Variants in EEIG2 observed in about 807,000 individuals in gnomAD.
EEIG2 encodes EEIG family member 2, also known as family with sequence similarity 102 member B.
the EEIG2 span, among the ~76,000 whole-genome samples, chr1:108,575,411 G>A: frequency 6.6e-6 from 1 of 152,104 alleles, no homozygotes; most frequent in South Asian, 2.1e-4. Context: ...ACAGAAAAGG[G>A]AAACAGTTAC....
At chr1:108,629,704 T>TA in the EEIG2 span, 15,624 of 1,445,950 alleles carry the variant, frequency 0.011, 111 homozygotes, top group Non-Finnish European at 0.013. Context: ...CTAATTTTTT[T>TA]AAAAAAATCA....
At chr1:108,607,471 G>A in the EEIG2 span, among the ~76,000 whole-genome samples, 2 of 152,166 alleles carry the variant, frequency 1.3e-5, no homozygotes, top group Admixed American at 1.3e-4. Flanking sequence ...CAATGAGCTA[G>A]GGTTTGGGTT....
the EEIG2 span, chr1:108,636,752 G>C: frequency 1.3e-5 from 2 of 151,582 alleles, no homozygotes; most frequent in South Asian, 2.1e-4. Context: ...GAACATTTTA[G>C]CCTAACCAAG....
chr1:108,628,066 A>G, the EEIG2 span: 2 of 955,554 alleles, frequency 2.1e-6, no homozygotes, highest in Non-Finnish European at 3.3e-6. Flanking sequence ...TATTGTTTTG[A>G]TAATGAACTT....
the EEIG2 span, chr1:108,638,222 G>C: frequency 1.3e-5 from 2 of 152,102 alleles, no homozygotes; most frequent in Non-Finnish European, 2.9e-5. Context: ...AGGACCACAG[G>C]CATGAGCCAC....
At chr1:108,603,854 C>G in the EEIG2 span, among the ~76,000 whole-genome samples, 1 of 152,088 alleles carries the variant, frequency 6.6e-6, no homozygotes, top group Non-Finnish European at 1.5e-5. Context: ...AATAAAACTT[C>G]AACAGATGGA....
the EEIG2 span, among the ~76,000 whole-genome samples, chr1:108,608,223 T>C: frequency 3.9e-5 from 6 of 152,212 alleles, no homozygotes; most frequent in Non-Finnish European, 8.8e-5. Flanking sequence ...CCTCCTCTTG[T>C]CCTGTCAACT....
chr1:108,616,463 A>G, the EEIG2 span: 1 of 1,334,082 alleles, frequency 7.5e-7, no homozygotes, highest in Non-Finnish European at 1.1e-6. Flanking sequence ...TTATGTATCT[A>G]AAAGTATAAG....
the EEIG2 span, chr1:108,560,283 C>G: frequency 2.4e-6 from 1 of 424,056 alleles, no homozygotes; most frequent in Non-Finnish European, 3.1e-6. Context: ...GCGGCCCCGG[C>G]CGCGGCCGGC....
chr1:108,564,260 G>C, the EEIG2 span, among the ~76,000 whole-genome samples: 1 of 151,862 alleles, frequency 6.6e-6, no homozygotes, highest in South Asian at 2.1e-4. Flanking sequence ...AAGGTTGGGT[G>C]GGGGGGAAAT....
chr1:108,599,435 A>T, the EEIG2 span, among the ~76,000 whole-genome samples: 1 of 151,998 alleles, frequency 6.6e-6, no homozygotes, highest in Non-Finnish European at 1.5e-5. Context: ...TTCATCTGTT[A>T]TCTTTGTCTC....
the EEIG2 span, among the ~76,000 whole-genome samples, chr1:108,568,913 G>A: frequency 6.6e-6 from 1 of 152,166 alleles, no homozygotes; most frequent in Admixed American, 6.5e-5. Flanking sequence ...TTTAGTTTTT[G>A]CTGGGTGCCT....
the EEIG2 span, among the ~76,000 whole-genome samples, chr1:108,597,781 A>G: frequency 4.7e-4 from 72 of 152,286 alleles, no homozygotes; most frequent in South Asian, 3.1e-3. Flanking sequence ...CATGCACTCA[A>G]CCTGCCATGT....
the EEIG2 span, among the ~76,000 whole-genome samples, chr1:108,604,166 C>T: frequency 2.0e-5 from 3 of 152,156 alleles, no homozygotes; most frequent in East Asian, 3.8e-4. Context: ...CTGGCTGTGG[C>T]GTGGGAAACA....
At chr1:108,586,760 C>G in the EEIG2 span, among the ~76,000 whole-genome samples, 1 of 152,056 alleles carries the variant, frequency 6.6e-6, no homozygotes. Context: ...TTTTCGTGTA[C>G]ATACATAAGA....
the EEIG2 span, among the ~76,000 whole-genome samples, chr1:108,601,823 G>T: frequency 1.3e-5 from 2 of 152,114 alleles, no homozygotes; most frequent in Non-Finnish European, 2.9e-5. Context: ...TGACAAAAAT[G>T]AAAAAGTTTG....
At chr1:108,600,912 G>A in the EEIG2 span, among the ~76,000 whole-genome samples, 1 of 151,956 alleles carries the variant, frequency 6.6e-6, no homozygotes, top group African/African-American at 2.4e-5. Flanking sequence ...GTCACTATAC[G>A]TATAAGTATT....
the EEIG2 span, among the ~76,000 whole-genome samples, chr1:108,571,323 G>T: frequency 1.8e-4 from 28 of 152,230 alleles, no homozygotes; most frequent in Non-Finnish European, 2.8e-4. Context: ...CTGCTGTAGG[G>T]GTACAATACA....
At chr1:108,628,396 G>A in the EEIG2 span, 5 of 1,613,768 alleles carry the variant, frequency 3.1e-6, no homozygotes, top group Middle Eastern at 1.6e-4. Context: ...CTCTGACAGG[G>A]TATAGCACGT....
Sources: gnomAD v4.1 joint callset for allele counts (sites outside exome capture counted in the v4.1 genomes callset) on GRCh38, gnomAD v4.1.1 for gene constraint, MANE v1.5 for transcripts, NCBI Gene and HGNC (gene_info 2026-07-23, HGNC 2026-07-21) for gene names.